ITGA11: variants seen among roughly 807,000 people sequenced by gnomAD.
ITGA11 encodes the protein integrin subunit alpha 11.
Under a neutral mutation model 141.9 loss-of-function variants are expected in ITGA11, and 97 were observed. The observed-to-expected ratio is 0.68, with a 90% CI of 0.58 to 0.81. ITGA11 has a LOEUF of 0.81. ITGA11 is among the 30% of genes least tolerant of loss of function. The pLI, the probability that ITGA11 is intolerant of heterozygous loss-of-function variation, is 0.00. For synonymous variants in ITGA11, 658 were observed against 624.6 expected (o/e 1.05, Z -0.80); for missense variants, 1,387 against 1,559.2 (o/e 0.89, Z 1.86).
intron 23 of ITGA11, 31 bp from the exon 24 acceptor site, chr15:68,312,894 GC>G (rs781108050): frequency 6.7e-7 from 1 of 1,501,940 alleles, no homozygotes; most frequent in Non-Finnish European, 9.3e-7. Context: ...GCTGTCGTGA[GC>G]TCAGTCAGGG....
chr15:68,402,831 G>A (rs1896541520), intron 2 of ITGA11, 87 bp downstream of exon 2: 4 of 872,524 alleles, frequency 4.6e-6, no homozygotes, highest in South Asian at 1.6e-5. Flanking sequence ...GAGGGCCAGT[G>A]GGGCAGCCAC....
intron 10 of ITGA11, among the ~76,000 whole-genome samples, chr15:68,347,997 A>G (rs1894791711): frequency 6.6e-6 from 1 of 152,298 alleles, no homozygotes; most frequent in Non-Finnish European, 1.5e-5. Context: ...CACCCACAGG[A>G]GCACGTATCG....
At chr15:68,331,820 G>A in intron 14 of ITGA11, 39 bp downstream of exon 14, 6 of 1,550,332 alleles carry the variant, frequency 3.9e-6, no homozygotes, top group Non-Finnish European at 5.3e-6. Context: ...GACTCCTGCA[G>A]CCCCATTTGC....
At chr15:68,352,714 TC>T (rs1427333365) in intron 7 of ITGA11, among the ~76,000 whole-genome samples, 2 of 152,206 alleles carry the variant, frequency 1.3e-5, no homozygotes, top group Non-Finnish European at 2.9e-5. Flanking sequence ...TATTTCTCTT[TC>T]TCACTTTTTA....
intron 2 of ITGA11, among the ~76,000 whole-genome samples, chr15:68,394,999 C>G (rs1896197713): frequency 6.6e-6 from 1 of 152,138 alleles, no homozygotes; most frequent in African/African-American, 2.4e-5. Context: ...TTCTGCATAT[C>G]CAACTGAGCC....
rs558983655 is a variant in ITGA11, at chr15:68,312,158, T to C, written c.2973+615A>G. 2.6e-3 allele frequency among the ~76,000 whole-genome samples: 392 copies of C among 152,366 alleles called. 2 individuals are homozygous for C. The highest frequency in any genetic ancestry group is 9.1e-3 in the African/African-American group (377 of 41,582). On this transcript the variant is annotated intron_variant, in intron 24 of 29. Transcript: ENST00000315757. ...CTGCCAAATTGCCTCCTAACTCTCA[T>C]TCTCCCACTTTCCTTAGTGGCAGAA...
intron 2 of ITGA11, among the ~76,000 whole-genome samples, chr15:68,387,659 C>G (rs560846716): frequency 6.6e-6 from 1 of 152,108 alleles, no homozygotes; most frequent in Non-Finnish European, 1.5e-5. Context: ...CATTCCCTTA[C>G]ATCCGCTGGG....
chr15:68,404,366 G>A (rs189363697), intron 1 of ITGA11, among the ~76,000 whole-genome samples: 16 of 152,228 alleles, frequency 1.1e-4, no homozygotes, highest in East Asian at 5.8e-4. Context: ...TGACCCTTTC[G>A]CCCTGGCCCC....
intron 3 of ITGA11, among the ~76,000 whole-genome samples, chr15:68,367,992 A>C (rs1386317756): frequency 6.6e-6 from 1 of 152,196 alleles, no homozygotes. Flanking sequence ...GGCCCCGGCT[A>C]TGCTGGGTTT....
rs1327704219 is a variant in ITGA11 at position 68,331,947 on chromosome 15, AC to A, written c.1681del (p.Val561TrpfsTer25). The A allele has an allele frequency of 2.5e-6, 4 of 1,613,344 alleles. No individual in the cohort carries two copies. The highest frequency in any genetic ancestry group is 3.4e-6 in the Non-Finnish European group (4 of 1,179,754). On this transcript the variant is annotated frameshift_variant, in exon 14 of 30. Coordinates refer to ENST00000315757, the MANE Select transcript of ITGA11 (RefSeq NM_001004439.2). LOFTEE classifies it high-confidence loss of function. ...GTTGTCCTCCAGGGGGGCTCCCACC[AC>A]CACGTCATTGTAGGAATCCTGGTTG... Reference protein sequence around the residue: ...DLNQDSYNDVVVGAPLEDNHA... With the variant: ...DLNQDSYNDVXVGAPLEDNHA...
intron 16 of ITGA11, among the ~76,000 whole-genome samples, chr15:68,327,510 C>T (rs1466406795): frequency 1.3e-5 from 2 of 152,318 alleles, no homozygotes; most frequent in Middle Eastern, 3.4e-3. Context: ...TGAGAGACTC[C>T]CTGAGTCCCT....
chr15:68,407,751 T>A (rs994767827), intron 1 of ITGA11, among the ~76,000 whole-genome samples: 2 of 152,130 alleles, frequency 1.3e-5, no homozygotes, highest in Admixed American at 6.6e-5. Context: ...AAAAAAAGCA[T>A]CAGTCAGTCT....
chr15:68,411,015 T>C (rs984929170), intron 1 of ITGA11, among the ~76,000 whole-genome samples: 1 of 152,192 alleles, frequency 6.6e-6, no homozygotes, highest in Non-Finnish European at 1.5e-5. Context: ...TCCGCCCCCA[T>C]GGGCAGCTGC....
Position 68,364,908 on chromosome 15 carries a change from G to A in ITGA11, c.266-110C>T, listed in dbSNP as rs1439507205. On this transcript the variant is annotated intron_variant, in intron 3 of 29. Transcript: ENST00000315757. ...TGCCTCCCCGATTCTCCCTGACCCTGGGGACCTCTGGCTCTCAGGGTTTAC... is the reference window on the plus strand; with the variant it reads ...TGCCTCCCCGATTCTCCCTGACCCTAGGGACCTCTGGCTCTCAGGGTTTAC... 7 of 1,051,628 alleles carry A rather than the reference G, an allele frequency of 6.7e-6. No homozygotes were observed. In the African/African-American group the frequency reaches 9.4e-5, roughly 14 times the overall value. 65.1% of individuals were successfully genotyped at this position (1,051,628 alleles called of 1,614,324 possible).
rs1892943029 is a variant in ITGA11 at position 68,297,848 on chromosome 15, A to G, written c.*5211T>C. On this transcript the variant is annotated 3_prime_UTR_variant, in exon 30 of 30. Transcript: ENST00000315757. Reference sequence around the variant, plus strand: ...CTATAGAGATCTGAAAAAAACATTTAGTGCCACCCTCTCATTTTATAGTTC... The same window carrying G: ...CTATAGAGATCTGAAAAAAACATTTGGTGCCACCCTCTCATTTTATAGTTC... 1 of 152,184 alleles carries G rather than the reference A, an allele frequency of 6.6e-6. No homozygotes were observed. The highest frequency in any genetic ancestry group is 2.1e-4 in the South Asian group (1 of 4,826). The allele number at this position is 152,184 out of a possible 1,614,324, so 9.4% of individuals were successfully genotyped here.
chr15:68,338,273 T>A (rs1281865201), intron 11 of ITGA11, among the ~76,000 whole-genome samples: 1 of 152,256 alleles, frequency 6.6e-6, no homozygotes, highest in Non-Finnish European at 1.5e-5. Flanking sequence ...AGGACTCCAA[T>A]CTTTCTCTCC....
intron 7 of ITGA11, among the ~76,000 whole-genome samples, chr15:68,355,075 G>A (rs1466812698): frequency 6.6e-6 from 1 of 152,196 alleles, no homozygotes; most frequent in Non-Finnish European, 1.5e-5. Context: ...TTGGTGGGTT[G>A]TAAAGTGAGG....
At chr15:68,422,840 A>G (rs758026676) in intron 1 of ITGA11, among the ~76,000 whole-genome samples, 1 of 152,152 alleles carries the variant, frequency 6.6e-6, no homozygotes, top group Non-Finnish European at 1.5e-5. Flanking sequence ...CAAATCCCAG[A>G]GTCCTTTATC....
intron 1 of ITGA11, among the ~76,000 whole-genome samples, chr15:68,414,308 C>A (rs1173942065): frequency 6.6e-6 from 1 of 152,142 alleles, no homozygotes. Flanking sequence ...TAGGAATGGT[C>A]CCTGGGGGGA....
Sources: gnomAD v4.1 joint callset for allele counts (sites outside exome capture counted in the v4.1 genomes callset) on GRCh38, gnomAD v4.1.1 for gene constraint, MANE v1.5 for transcripts, NCBI Gene and HGNC (gene_info 2026-07-23, HGNC 2026-07-21) for gene names.